Variants in NUCB2 observed in about 807,000 individuals in gnomAD.
NUCB2 encodes nucleobindin-2.
A neutral mutation model predicts 57.9 loss-of-function variants in NUCB2; 48 were observed. The ratio of observed to expected loss-of-function variants is 0.83; its 90% confidence interval spans 0.66 to 1.05. The LOEUF is 1.05. Among genes scored for constraint, NUCB2 ranks in the 50% least tolerant of loss-of-function variants. The probability of loss-of-function intolerance (pLI) is 0.00; values close to 1 mark genes in which losing one functional copy is unlikely to be tolerated. For synonymous variants in NUCB2, 139 were observed against 152.1 expected (o/e 0.91, Z 0.64); for missense variants, 442 against 476.2 (o/e 0.93, Z 0.67).
At chr11:17,320,331 T>C (rs1043594587) in intron 11 of NUCB2, among the ~76,000 whole-genome samples, 1 of 152,244 alleles carries the variant, frequency 6.6e-6, no homozygotes, top group African/African-American at 2.4e-5. Context: ...TTCAGAATAC[T>C]AATCCATGCC....
chr11:17,303,929 T>TC (rs2138695765), intron 5 of NUCB2, among the ~76,000 whole-genome samples: 1 of 151,346 alleles, frequency 6.6e-6, no homozygotes, highest in Non-Finnish European at 1.5e-5. Flanking sequence ...TATGGCTTTC[T>TC]CCATGTATGC....
At chr11:17,324,974 G>C (rs760023485) in intron 11 of NUCB2, among the ~76,000 whole-genome samples, 1 of 151,428 alleles carries the variant, frequency 6.6e-6, no homozygotes, top group Non-Finnish European at 1.5e-5. Flanking sequence ...GCTAATTTTT[G>C]TATCTTTTTA....
At position 17,325,933 on chromosome 11, in the gene NUCB2, G is replaced by A. The variant is rs146213230; in HGVS notation, c.1003-4194G>A. Among the ~76,000 whole-genome samples the A allele has an allele frequency of 2.6e-4, 39 of 151,812 alleles. No homozygotes were observed. The East Asian group carries it at 7.2e-3, about 28-fold the overall frequency. On this transcript the variant is annotated intron_variant, in intron 11 of 13. Transcript: ENST00000529010. ...CAACACTGATTGCATAAACAAACAT[G>A]CAAAAAGAAAATAAATACTTTACAC... is the stretch of plus-strand genomic sequence containing the variant.
intron 11 of NUCB2, among the ~76,000 whole-genome samples, chr11:17,320,765 G>A (rs1949918987): frequency 6.6e-6 from 1 of 151,962 alleles, no homozygotes; most frequent in African/African-American, 2.4e-5. Context: ...CCCGTTCTGT[G>A]GGTTATCTTA....
At chr11:17,328,874 C>G (rs10832762) in intron 11 of NUCB2, among the ~76,000 whole-genome samples, 36,166 of 152,050 alleles carry the variant, frequency 0.24, 5,007 homozygotes, top group East Asian at 0.51. Flanking sequence ...ACAGGGGTCT[C>G]TCGCCATAGC....
chr11:17,290,781 A>G (rs1478075495), intron 2 of NUCB2, among the ~76,000 whole-genome samples: 1 of 152,186 alleles, frequency 6.6e-6, no homozygotes, highest in Non-Finnish European at 1.5e-5. Context: ...AGAAAATGGG[A>G]TAATTTTGAA....
chr11:17,329,378 CT>C (rs1951095713), intron 11 of NUCB2, among the ~76,000 whole-genome samples: 1 of 152,188 alleles, frequency 6.6e-6, no homozygotes, highest in African/African-American at 2.4e-5. Flanking sequence ...TACAGTCCTC[CT>C]TTCCTAGACT....
At chr11:17,290,513 G>A (rs999647358) in intron 2 of NUCB2, among the ~76,000 whole-genome samples, 1 of 151,820 alleles carries the variant, frequency 6.6e-6, no homozygotes, top group African/African-American at 2.4e-5. Flanking sequence ...GTTTGAGACT[G>A]GCCTGGGCAA....
rs1391544462 is a variant in NUCB2 at position 17,330,441 on chromosome 11, CTG to C, written c.1173+146_1173+147del. ...TATTTTAAATTTTAATACTTTAAAA[CTG>C]TTTTGTGGAATATTAATCTAAATTT... On this transcript the variant is annotated intron_variant, in intron 12 of 13. Transcript: ENST00000529010. The surrounding 1 kb of genome is among the most constrained non-coding windows in gnomAD (Gnocchi z 4.3). The C allele has an allele frequency of 1.7e-5, 8 of 474,058 alleles. No homozygotes were observed. The highest frequency in any genetic ancestry group is 3.9e-5 in the Admixed American group (1 of 25,494). 29.4% of individuals were successfully genotyped at this position (474,058 alleles called of 1,614,324 possible).
At chr11:17,295,737 C>T (rs1298519442) in intron 3 of NUCB2, 1 of 400,028 alleles carries the variant, frequency 2.5e-6, no homozygotes, top group African/African-American at 2.1e-5. Flanking sequence ...AAGAATTAAT[C>T]GTAATACATT....
chr11:17,282,770 TA>T lies in NUCB2; in HGVS notation c.-155-18del, dbSNP rs1370791902. 2.0e-5 allele frequency: 3 copies of T among 152,160 alleles called. No homozygotes were observed. Among genetic ancestry groups the T allele is most frequent in the East Asian group, 3.8e-4 (2 of 5,206 alleles). 9.4% of individuals were successfully genotyped at this position (152,160 alleles called of 1,614,324 possible). A position where few individuals can be genotyped will look rare whatever the true frequency, so the allele number is the denominator to read the frequency against. ...TTTGTGTCTTTTATTTATTTATTTTTATTTTTTTTTACATTTAGAACGTGTT... is the reference window on the plus strand; with the variant it reads ...TTTGTGTCTTTTATTTATTTATTTTTTTTTTTTTTACATTTAGAACGTGTT... On this transcript the variant is annotated intron_variant, in intron 1 of 13. Coordinates refer to ENST00000529010, the MANE Select transcript of NUCB2 (RefSeq NM_005013.4).
At chr11:17,298,397 T>A (rs1282487264) in intron 4 of NUCB2, among the ~76,000 whole-genome samples, 1 of 151,740 alleles carries the variant, frequency 6.6e-6, no homozygotes, top group African/African-American at 2.4e-5. Context: ...GAAACCCCTA[T>A]CTCTACCAAA....
At chr11:17,299,516 T>C (rs1339950940) in intron 4 of NUCB2, among the ~76,000 whole-genome samples, 1 of 152,200 alleles carries the variant, frequency 6.6e-6, no homozygotes, top group Non-Finnish European at 1.5e-5. Flanking sequence ...AGCTTTTATA[T>C]ATGGAATGAC....
At chr11:17,317,403 A>G (rs1949395999) in intron 11 of NUCB2, among the ~76,000 whole-genome samples, 1 of 152,220 alleles carries the variant, frequency 6.6e-6, no homozygotes, top group South Asian at 2.1e-4. Context: ...ACTTGAGTGT[A>G]TATTTCTTGC....
At chr11:17,288,568 T>TTTTTTTTTTTTA (rs1944231994) in intron 2 of NUCB2, among the ~76,000 whole-genome samples, 1 of 147,094 alleles carries the variant, frequency 6.8e-6, no homozygotes, top group Non-Finnish European at 1.5e-5. Flanking sequence ...TTTTTTTTTT[T>TTTTTTTTTTTTA]GAGACAGTCT....
At chr11:17,309,405 A>T (rs1412882705) in intron 5 of NUCB2, among the ~76,000 whole-genome samples, 167 bp from the exon 6 acceptor site, 1 of 152,204 alleles carries the variant, frequency 6.6e-6, no homozygotes, top group Non-Finnish European at 1.5e-5. Context: ...CTTTAACTAG[A>T]ATAACATACG....
chr11:17,295,350 G>C lies in NUCB2; in HGVS notation c.27G>C (p.Gln9His). The change falls in exon 3 of 14, where the codon CAG becomes CAC. Residue 9 changes from glutamine to histidine, a missense_variant. By Grantham distance (24) the Gln-to-His change is conservative. Transcript: ENST00000529010. ...TGAGGTGGAGGACCATCCTGCTACA[G>C]TATTGCTTTCTCTTGATTACATGTT... MRWRTILLQYCFLLITCLL... is the reference protein window; with the variant it reads MRWRTILLHYCFLLITCLL... 1 of 1,612,298 alleles carries C rather than the reference G, an allele frequency of 6.2e-7. No homozygotes were observed. The highest frequency in any genetic ancestry group is 1.7e-4 in the Middle Eastern group (1 of 6,056).
intron 11 of NUCB2, among the ~76,000 whole-genome samples, chr11:17,322,279 A>G (rs1033485982): frequency 3.3e-5 from 5 of 152,168 alleles, no homozygotes; most frequent in Non-Finnish European, 7.4e-5. Context: ...ATAAGGCAAG[A>G]TGTAGGTATC....
intron 13 of NUCB2, 142 bp from the exon 14 acceptor site, chr11:17,331,269 CT>C: frequency 1.9e-6 from 1 of 521,692 alleles, no homozygotes. Flanking sequence ...TTATATTAAT[CT>C]TACCAGAGAA....
Sources: gnomAD v4.1 joint callset for allele counts (sites outside exome capture counted in the v4.1 genomes callset) on GRCh38, gnomAD v4.1.1 for gene constraint, Gnocchi (gnomAD v3.1) non-coding constraint, MANE v1.5 for transcripts, NCBI Gene and HGNC (gene_info 2026-07-23, HGNC 2026-07-21) for gene names.